The following TTC7B variants were observed in gnomAD, a reference collection of about 807,000 sequenced individuals.
The protein encoded by TTC7B is tetratricopeptide repeat domain 7B.
TTC7B carries 28 observed loss-of-function variants against 106.8 expected under a neutral mutation model. That is an observed-to-expected ratio of 0.26 (90% confidence interval 0.19 to 0.36). The LOEUF is 0.36. Ranked by LOEUF, TTC7B falls within the 10% of genes least tolerant of loss-of-function variation. The pLI, the probability that TTC7B is intolerant of heterozygous loss-of-function variation, is 1.00. For missense variants in TTC7B, 862 were observed against 1,076.4 expected, an observed-to-expected ratio of 0.80 and a Z score of 2.79; for synonymous variants, 405 against 430.6, an observed-to-expected ratio of 0.94 and a Z score of 0.74.
chr14:90,676,737 CTGCCCCTACCAATT>C, intron 8 of TTC7B, 77 bp from the exon 9 acceptor site: 1 of 1,506,122 alleles, frequency 6.6e-7, no homozygotes, highest in Non-Finnish European at 9.0e-7. Context: ...CTAGGCCCTC[CTGCCCCTACCAATT>C]TGCGAAGGGA....
chr14:90,774,089 G>A (rs1890948998), intron 3 of TTC7B, among the ~76,000 whole-genome samples: 1 of 152,182 alleles, frequency 6.6e-6, no homozygotes, highest in Non-Finnish European at 1.5e-5. Flanking sequence ...CCCCTAATGG[G>A]ACCAGCCCCT....
chr14:90,635,718 C>A (rs1884905282), intron 15 of TTC7B, among the ~76,000 whole-genome samples: 1 of 149,650 alleles, frequency 6.7e-6, no homozygotes, highest in African/African-American at 2.5e-5. Flanking sequence ...CGAGATTGCG[C>A]CACTGCACTC....
chr14:90,705,886 C>A (rs1555391684), intron 5 of TTC7B, among the ~76,000 whole-genome samples: 1 of 152,190 alleles, frequency 6.6e-6, no homozygotes, highest in Non-Finnish European at 1.5e-5. Flanking sequence ...CTGAACTGTT[C>A]AGCCTATAGA....
intron 3 of TTC7B, among the ~76,000 whole-genome samples, chr14:90,763,545 A>C (rs1890573925): frequency 6.6e-6 from 1 of 152,210 alleles, no homozygotes; most frequent in African/African-American, 2.4e-5. Flanking sequence ...AGTCATCCAG[A>C]TTGGAAAGGA....
At position 90,599,134 on chromosome 14, in the gene TTC7B, T is replaced by G. The variant is rs79355368; in HGVS notation, c.1967-5508A>C. 1.3e-3 allele frequency among the ~76,000 whole-genome samples: 200 copies of G among 148,620 alleles called. 6 individuals are homozygous for G. The East Asian group carries it at 0.036, about 27-fold the overall frequency. On this transcript the variant is annotated intron_variant, in intron 17 of 19. Transcript: ENST00000328459. The stretch of plus-strand genomic sequence containing the variant: ...CTCCAGCCTGGGTGACAGAGCGAGA[T>G]TCTGTCTCAAACAAAAAAAGAGAAG...
At chr14:90,597,310 G>A (rs1245676320) in intron 17 of TTC7B, among the ~76,000 whole-genome samples, 1 of 152,128 alleles carries the variant, frequency 6.6e-6, no homozygotes, top group Non-Finnish European at 1.5e-5. Context: ...AGTATTGGAA[G>A]GAGGGGGAAG....
intron 5 of TTC7B, among the ~76,000 whole-genome samples, chr14:90,707,693 C>T (rs753209260): frequency 6.6e-6 from 1 of 152,206 alleles, no homozygotes; most frequent in Non-Finnish European, 1.5e-5. Context: ...ATTAAAGCAG[C>T]CTCAACATTC....
At chr14:90,694,142 C>G (rs1428424912) in intron 6 of TTC7B, among the ~76,000 whole-genome samples, 4 of 152,126 alleles carry the variant, frequency 2.6e-5, no homozygotes, top group Non-Finnish European at 5.9e-5. Flanking sequence ...TGATGCGCAC[C>G]TGTAGTCCCA....
chr14:90,693,293 C>T lies in TTC7B; in HGVS notation c.777+2207G>A, dbSNP rs1055701822. 4.0e-5 allele frequency among the ~76,000 whole-genome samples: 6 copies of T among 151,822 alleles called. No homozygotes were observed. In the South Asian group the frequency reaches 8.3e-4, roughly 21 times the overall value. ...AAGTTATAGAGGTCTACCTAATGAA[C>T]GTCCCTAGATAGGAAAGTGAAAGGA... On this transcript the variant is annotated intron_variant, in intron 6 of 19. Transcript: ENST00000328459.
At chr14:90,566,106 C>G (rs1451861812) in intron 19 of TTC7B, among the ~76,000 whole-genome samples, 1 of 152,100 alleles carries the variant, frequency 6.6e-6, no homozygotes, top group African/African-American at 2.4e-5. Context: ...AATCCCAGCA[C>G]TTTGGGAGGC....
chr14:90,770,326 G>C (rs72695518), intron 3 of TTC7B, among the ~76,000 whole-genome samples: 6,670 of 152,238 alleles, frequency 0.044, 190 homozygotes, highest in Non-Finnish European at 0.061. Flanking sequence ...TTCTATAATA[G>C]TAGTTGGAAA....
At chr14:90,601,676 A>C (rs1892430206) in intron 17 of TTC7B, among the ~76,000 whole-genome samples, 1 of 152,156 alleles carries the variant, frequency 6.6e-6, no homozygotes, top group Non-Finnish European at 1.5e-5. Context: ...GTCCTCTAAG[A>C]AGTGATGAGC....
intron 15 of TTC7B, among the ~76,000 whole-genome samples, chr14:90,635,839 G>A (rs1884915587): frequency 6.6e-6 from 1 of 151,266 alleles, no homozygotes; most frequent in Non-Finnish European, 1.5e-5. Context: ...TCAAAAAGTG[G>A]CCGAGTGCGG....
At chr14:90,651,430 C>T (rs1885711118) in intron 13 of TTC7B, among the ~76,000 whole-genome samples, 1 of 152,204 alleles carries the variant, frequency 6.6e-6, no homozygotes, top group African/African-American at 2.4e-5. Context: ...AATGGAGCAG[C>T]TGTTATATAA....
chr14:90,688,431 T>G lies in TTC7B; in HGVS notation c.950+1109A>C, dbSNP rs542268038. On this transcript the variant is annotated intron_variant, in intron 7 of 19. Transcript: ENST00000328459. Reference sequence around the variant, plus strand: ...TGAGGTCAGGAGATCGAGACCATACTGGCCAACATGGTAAAACCCCGTCTC... The same window carrying G: ...TGAGGTCAGGAGATCGAGACCATACGGGCCAACATGGTAAAACCCCGTCTC... 4.6e-5 allele frequency among the ~76,000 whole-genome samples: 7 copies of G among 152,196 alleles called. No individual in the cohort carries two copies. In the South Asian group the frequency reaches 1.5e-3, roughly 32 times the overall value.
chr14:90,652,980 A>G, intron 12 of TTC7B, 82 bp from the exon 13 acceptor site: 1 of 1,391,556 alleles, frequency 7.2e-7, no homozygotes, highest in Non-Finnish European at 1.0e-6. Context: ...AAACCTGTAC[A>G]TTCAACTGGA....
intron 15 of TTC7B, among the ~76,000 whole-genome samples, chr14:90,618,567 C>T (rs74081238): frequency 0.027 from 4,109 of 152,320 alleles, 191 homozygotes; most frequent in African/African-American, 0.094. Context: ...TCTTCCCATT[C>T]CTGCTACTGA....
chr14:90,803,949 G>C (rs1366825466), intron 1 of TTC7B, among the ~76,000 whole-genome samples: 1 of 152,014 alleles, frequency 6.6e-6, no homozygotes, highest in Non-Finnish European at 1.5e-5. Context: ...CCAGGCAGGG[G>C]GATGTTATCA....
At position 90,545,903 on chromosome 14, in the gene TTC7B, T is replaced by C. The variant is rs61578544; in HGVS notation, c.2311-4314A>G. Among the ~76,000 whole-genome samples, 551 of 152,226 alleles carry C rather than the reference T, an allele frequency of 3.6e-3. 5 individuals are homozygous for C. The highest frequency in any genetic ancestry group is 0.012 in the African/African-American group (517 of 41,468). On this transcript the variant is annotated intron_variant, in intron 19 of 19. Coordinates refer to ENST00000328459, the MANE Select transcript of TTC7B (RefSeq NM_001010854.2). The stretch of plus-strand genomic sequence containing the variant: ...CTGGCTTGGAAATTTCCAGCCCATA[T>C]ACCTGGACTTGTAGTCCTAACGTAG...
Sources: gnomAD v4.1 joint callset for allele counts (sites outside exome capture counted in the v4.1 genomes callset) on GRCh38, gnomAD v4.1.1 for gene constraint, MANE v1.5 for transcripts, NCBI Gene and HGNC (gene_info 2026-07-23, HGNC 2026-07-21) for gene names.